The following SPHKAP variants were observed in gnomAD, a reference collection of about 807,000 sequenced individuals.
The protein encoded by SPHKAP is SPHK1 interactor, AKAP domain containing.
A neutral mutation model predicts 137.5 loss-of-function variants in SPHKAP; 67 were observed. The ratio of observed to expected loss-of-function variants is 0.49; its 90% CI spans 0.40 to 0.60. SPHKAP has a LOEUF of 0.60. Among genes scored for constraint, SPHKAP ranks in the 20% least tolerant of loss-of-function variants. The pLI is 0.00. For synonymous variants in SPHKAP, 813 were observed against 785.3 expected (o/e 1.04, Z -0.59); for missense variants, 2,097 against 2,069.3 (o/e 1.01, Z -0.26).
chr2:228,131,786 T>C, intron 2 of SPHKAP, 194 bp downstream of exon 2: 1 of 984,584 alleles, frequency 1.0e-6, no homozygotes, highest in South Asian at 4.7e-5. Context: ...TGATTTTCTA[T>C]GCCTGAATTT....
rs1185501079 is a variant in SPHKAP at position 227,993,594 on chromosome 2, C to T, written c.4661G>A (p.Ser1554Asn). 1 of 1,600,710 alleles carries T rather than the reference C, an allele frequency of 6.2e-7. No individual in the cohort carries two copies. Among genetic ancestry groups the T allele is most frequent in the Admixed American group, 1.7e-5 (1 of 58,180 alleles). ...MSNGNSSATS[S>N]LGIMDLDIYQ... ...AATGTCCAGATCCATAATGCCAAGA[C>T]TGCTAGTGGCACTACTGTTGCCATT... is the stretch of plus-strand genomic sequence containing the variant. The change falls in exon 9 of 12, where the codon AGT becomes AAT. Residue 1554 changes from serine (S) to asparagine (N), a missense_variant. Transcript: ENST00000392056.
rs770220829 is a variant in SPHKAP, at chr2:228,017,407, A to G, written c.3447T>C (p.Asp1149=). 19 of 1,613,916 alleles carry G rather than the reference A, an allele frequency of 1.2e-5. No individual in the cohort carries two copies. Among genetic ancestry groups the G allele is most frequent in the Non-Finnish European group, 1.4e-5 (17 of 1,180,018 alleles). The change falls in exon 7 of 12, where the codon GAT becomes GAC. Residue 1149 remains aspartate, a synonymous_variant. Coordinates refer to ENST00000392056, the MANE Select transcript of SPHKAP (RefSeq NM_001142644.2). ...TGCTGGCGTTCTTGCCAGCATAGTAATCCAGCAGTAACTCAAATCCTCTCC... is the reference window on the plus strand; with the variant it reads ...TGCTGGCGTTCTTGCCAGCATAGTAGTCCAGCAGTAACTCAAATCCTCTCC... ...NEGRGFELLL[D]YYAGKNASSI...
intron 3 of SPHKAP, among the ~76,000 whole-genome samples, chr2:228,069,624 A>G (rs1056589365): frequency 8.6e-5 from 13 of 151,720 alleles, no homozygotes; most frequent in Non-Finnish European, 1.8e-4. Context: ...TAAGAAAAAC[A>G]TTTAATTACT....
chr2:228,011,750 T>A (rs1390474186), intron 7 of SPHKAP, among the ~76,000 whole-genome samples: 1 of 152,192 alleles, frequency 6.6e-6, no homozygotes, highest in Non-Finnish European at 1.5e-5. Context: ...GGGTATACTG[T>A]GATGTTTTCA....
intron 3 of SPHKAP, among the ~76,000 whole-genome samples, chr2:228,033,276 CAAAG>C (rs1460398138): frequency 2.0e-5 from 3 of 152,012 alleles, no homozygotes; most frequent in Admixed American, 6.6e-5. Flanking sequence ...TCAAAAGAGA[CAAAG>C]AAGGCCATTA....
intron 3 of SPHKAP, among the ~76,000 whole-genome samples, chr2:228,092,093 GTATA>G (rs1387548311): frequency 3.5e-5 from 5 of 142,320 alleles, no homozygotes; most frequent in African/African-American, 1.3e-4. Context: ...ATATATGTGT[GTATA>G]TATGTATATA....
At position 228,108,918 on chromosome 2, in the gene SPHKAP, G is replaced by A. The variant is rs575860271; in HGVS notation, c.160C>T (p.Leu54=). The A allele has an allele frequency of 1.2e-6, 2 of 1,602,144 alleles. No homozygotes were observed. The highest frequency in any genetic ancestry group is 1.3e-5 in the African/African-American group (1 of 74,136). ...CKKVLRSNSL[L]ESTDYWLQNQ... is the part of the protein sequence containing the mutation. Reference sequence around the variant, plus strand: ...TGCAACCAGTAGTCTGTTGACTCCAGCAGGCTATTGCTGCGAAGAACCTGG... The same window carrying A: ...TGCAACCAGTAGTCTGTTGACTCCAACAGGCTATTGCTGCGAAGAACCTGG... Residue 54 remains leucine, a synonymous_variant, in exon 3 of 12, where the codon CTG becomes TTG. Coordinates refer to ENST00000392056, the MANE Select transcript of SPHKAP (RefSeq NM_001142644.2).
At chr2:228,111,132 T>C (rs1481272769) in intron 2 of SPHKAP, among the ~76,000 whole-genome samples, 1 of 152,194 alleles carries the variant, frequency 6.6e-6, no homozygotes. Context: ...AAAAAGGCTC[T>C]AAATCCACTT....
chr2:228,035,041 CAGG>C (rs1695531410), intron 3 of SPHKAP, among the ~76,000 whole-genome samples: 1 of 149,188 alleles, frequency 6.7e-6, no homozygotes, highest in African/African-American at 2.5e-5. Flanking sequence ...GGCAATTAGG[CAGG>C]AGAAGGAAAT....
At chr2:228,040,139 T>C (rs1445173316) in intron 3 of SPHKAP, among the ~76,000 whole-genome samples, 1 of 152,204 alleles carries the variant, frequency 6.6e-6, no homozygotes, top group Non-Finnish European at 1.5e-5. Context: ...CATTTGAATG[T>C]TGAATATGAC....
intron 11 of SPHKAP, among the ~76,000 whole-genome samples, chr2:227,984,980 G>A (rs1693162499): frequency 1.3e-5 from 2 of 152,146 alleles, no homozygotes; most frequent in African/African-American, 4.8e-5. Context: ...TTTTCTGGGT[G>A]GGGGAAGAAT....
intron 1 of SPHKAP, among the ~76,000 whole-genome samples, chr2:228,179,794 A>T (rs1700845919): frequency 6.6e-6 from 1 of 152,244 alleles, no homozygotes; most frequent in South Asian, 2.1e-4. Context: ...GTAATAAATT[A>T]CTGGCACAAT....
intron 3 of SPHKAP, among the ~76,000 whole-genome samples, chr2:228,035,719 A>G (rs893140515): frequency 1.3e-5 from 2 of 152,186 alleles, no homozygotes; most frequent in African/African-American, 2.4e-5. Flanking sequence ...GCCCTCAGAA[A>G]TAATGCCACA....
intron 3 of SPHKAP, among the ~76,000 whole-genome samples, chr2:228,097,004 T>A (rs1476213842): frequency 6.6e-6 from 1 of 152,198 alleles, no homozygotes; most frequent in Non-Finnish European, 1.5e-5. Flanking sequence ...AGCTATCACT[T>A]CTAACTAGTT....
At chr2:228,141,648 TA>T (rs998450938) in intron 1 of SPHKAP, among the ~76,000 whole-genome samples, 39 of 121,676 alleles carry the variant, frequency 3.2e-4, no homozygotes, top group African/African-American at 9.9e-4. Context: ...AGGCTTTTTT[TA>T]AATCCAAGAG....
intron 1 of SPHKAP, among the ~76,000 whole-genome samples, chr2:228,136,334 C>A (rs1191047445): frequency 6.6e-6 from 1 of 152,146 alleles, no homozygotes; most frequent in African/African-American, 2.4e-5. Flanking sequence ...TGTACATAAA[C>A]ATGGGAAAGA....
chr2:228,063,200 C>A (rs1696716338), intron 3 of SPHKAP, among the ~76,000 whole-genome samples: 1 of 152,016 alleles, frequency 6.6e-6, no homozygotes, highest in Non-Finnish European at 1.5e-5. Context: ...GTCTGTCTAT[C>A]TATCTATCTA....
At chr2:228,079,070 GA>G (rs1421008484) in intron 3 of SPHKAP, among the ~76,000 whole-genome samples, 1 of 152,152 alleles carries the variant, frequency 6.6e-6, no homozygotes, top group Non-Finnish European at 1.5e-5. Flanking sequence ...CTGGTTTTGT[GA>G]AAAATAATTT....
rs761353940 is a variant in SPHKAP, at chr2:228,019,467, G to A, written c.1387C>T (p.Pro463Ser). 107 of 1,613,976 alleles carry A rather than the reference G, an allele frequency of 6.6e-5. No homozygotes were observed. The highest frequency in any genetic ancestry group is 1.6e-4 in the Middle Eastern group (1 of 6,084). The change falls in exon 7 of 12, where the codon CCA becomes TCA. Residue 463 changes from proline (P) to serine (S), a missense_variant. Coordinates refer to ENST00000392056, the MANE Select transcript of SPHKAP (RefSeq NM_001142644.2). ...GGCCAGGAGGAGATGCCTGGCTGTGGGGCAGCATCACTGCCATCTGGACTC... is the reference window on the plus strand; with the variant it reads ...GGCCAGGAGGAGATGCCTGGCTGTGAGGCAGCATCACTGCCATCTGGACTC... ...VQSPDGSDAA[P>S]QPGISSWPEM...
Sources: gnomAD v4.1 joint callset for allele counts (sites outside exome capture counted in the v4.1 genomes callset) on GRCh38, gnomAD v4.1.1 for gene constraint, MANE v1.5 for transcripts, NCBI Gene and HGNC (gene_info 2026-07-23, HGNC 2026-07-21) for gene names.